The following ATP8B3 variants were observed in gnomAD, a reference collection of about 807,000 sequenced individuals.
ATP8B3 encodes the protein ATPase phospholipid transporting 8B3, also known as phospholipid-transporting ATPase IK.
ATP8B3 carries 141 observed loss-of-function variants against 140.9 expected under a neutral mutation model. The ratio of observed to expected loss-of-function variants is 1.00; its 90% CI spans 0.87 to 1.15. The LOEUF is 1.15. Ranked by LOEUF, ATP8B3 falls within the 50% of genes most tolerant of loss-of-function variation. The pLI, the probability that ATP8B3 is intolerant of heterozygous loss-of-function variation, is 0.00. For missense variants in ATP8B3, 1,874 were observed against 1,740.6 expected (o/e 1.08, Z -1.36); for synonymous variants, 765 against 714.6 (o/e 1.07, Z -1.13).
At chr19:1,785,827 T>G in intron 25 of ATP8B3, 119 bp from the exon 26 acceptor site, 1 of 1,128,890 alleles carries the variant, frequency 8.9e-7, no homozygotes, top group Non-Finnish European at 1.2e-6. Context: ...TCTTTGAGTT[T>G]AAGTGAGTTA....
intron 12 of ATP8B3, among the ~76,000 whole-genome samples, chr19:1,801,548 C>T (rs1005842571): frequency 1.6e-4 from 24 of 152,062 alleles, no homozygotes; most frequent in Admixed American, 4.6e-4. Flanking sequence ...CTCAGGAGTT[C>T]GAGACCAGCC....
chr19:1,810,532 G>A (rs939660973), intron 3 of ATP8B3, 90 bp downstream of exon 3: 170 of 1,317,624 alleles, frequency 1.3e-4, no homozygotes, highest in Middle Eastern at 1.9e-4. Flanking sequence ...CCAAAGTGCC[G>A]GGATTACAGG....
In ATP8B3 at chr19:1,799,996, C is replaced by T. The variant is rs779014211; in HGVS notation, c.1503G>A (p.Thr501=). Residue 501 remains threonine (T), a synonymous_variant, in exon 14 of 29, where the codon ACG becomes ACA. Transcript: ENST00000310127. ...YIFSDKTGTL[T]QNILTFNKCC... ...ACTTGTTGAAGGTCAAGATGTTCTG[C>T]GTGAGCGTGCCCGTCTTGTCCGAGA... 8.1e-6 allele frequency: 13 copies of T among 1,606,198 alleles called. No homozygotes were observed. Among genetic ancestry groups the T allele is most frequent in the African/African-American group, 2.7e-5 (2 of 74,804 alleles).
chr19:1,784,447 C>T (rs1023754230), intron 28 of ATP8B3, among the ~76,000 whole-genome samples: 7 of 152,058 alleles, frequency 4.6e-5, no homozygotes, highest in Non-Finnish European at 1.0e-4. Flanking sequence ...CCCGGAAGGT[C>T]GAGGCTGCAG....
Position 1,806,146 on chromosome 19 carries a change from T to C in ATP8B3, c.701A>G (p.Asp234Gly). ...ACAGACCACATCCCCCACGCACAGATCCTGCCATTTCTTCTGCTTGAAGCT... is the reference window on the plus strand; with the variant it reads ...ACAGACCACATCCCCCACGCACAGACCCTGCCATTTCTTCTGCTTGAAGCT... ...GKSFKQKKWQ[D>G]LCVGDVVCLR... is the part of the protein sequence containing the mutation. The change falls in exon 8 of 29, where the codon GAT becomes GGT. Residue 234 changes from aspartate to glycine, a missense_variant. This residue lies in a region of ATP8B3 where 1,032 missense variants were observed against 963.6 expected (regional missense o/e 1.07). Coordinates refer to ENST00000310127, the MANE Select transcript of ATP8B3 (RefSeq NM_138813.4). This position sits in a 1 kb window ranked among gnomAD's most constrained non-coding sequence, Gnocchi z 5.6. 1 of 1,598,160 alleles carries C rather than the reference T, an allele frequency of 6.3e-7. No individual in the cohort carries two copies. Among genetic ancestry groups the C allele is most frequent in the Non-Finnish European group, 8.5e-7 (1 of 1,173,184 alleles).
rs771549770 is a variant in ATP8B3, at chr19:1,805,384, C to T, written c.894G>A (p.Ala298=). 25 of 1,565,410 alleles carry T rather than the reference C, an allele frequency of 1.6e-5. No individual in the cohort carries two copies. Among genetic ancestry groups the T allele is most frequent in the African/African-American group, 8.1e-5 (6 of 73,974 alleles). The change falls in exon 10 of 29, where the codon GCG becomes GCA. Residue 298 remains alanine, a synonymous_variant. Coordinates refer to ENST00000310127, the MANE Select transcript of ATP8B3 (RefSeq NM_138813.4). The surrounding 1 kb of genome is among the most constrained non-coding windows in gnomAD (Gnocchi z 5.2). ...HKELATIKKM[A]SFQGTVTCEA... ...CTCAACGCCTCTCACCTTGAAAGGACGCCATCTTCTTTATAGTGGCCAGTT... is the reference window on the plus strand; with the variant it reads ...CTCAACGCCTCTCACCTTGAAAGGATGCCATCTTCTTTATAGTGGCCAGTT...
In ATP8B3 at chr19:1,792,070, G is replaced by A. The variant is rs760188775; in HGVS notation, c.2121C>T (p.Tyr707=). Residue 707 remains tyrosine, a synonymous_variant, in exon 19 of 29, where the codon TAC becomes TAT. Coordinates refer to ENST00000310127, the MANE Select transcript of ATP8B3 (RefSeq NM_138813.4). ...LAYREVAEDI[Y]EDWQQRHQEA... ...CCTGGTGGCGCTGCTGCCAGTCCTC[G>A]TAAATGTCCTCAGCCACCTCCCTGT... 33 of 1,566,142 alleles carry A rather than the reference G, an allele frequency of 2.1e-5. No individual in the cohort carries two copies. The highest frequency in any genetic ancestry group is 1.2e-4 in the South Asian group (10 of 85,428).
In ATP8B3 at chr19:1,802,525, C is replaced by T. The variant is rs956737005; in HGVS notation, c.1025G>A (p.Arg342His). The change falls in exon 11 of 29, where the codon CGC (arginine) becomes CAC (histidine). Residue 342 changes from arginine to histidine, a missense_variant. Physicochemically the swap from Arg to His is conservative, Grantham distance 29 (BLOSUM62 0). Around this residue, in one of 3 missense-constraint regions of ATP8B3, gnomAD observed 1,032 missense variants for 963.6 expected, o/e 1.07. Coordinates refer to ENST00000310127, the MANE Select transcript of ATP8B3 (RefSeq NM_138813.4). Reference protein sequence around the residue: ...GNLLLRGCRIRNTDTCYGLVI... With the variant: ...GNLLLRGCRIHNTDTCYGLVI... ...CAGTCCATAGCAGGTGTCTGTGTTG[C>T]GAATCCTGCAGCCTCGGAGGAGGAG... 27 of 1,592,672 alleles carry T rather than the reference C, an allele frequency of 1.7e-5. No homozygotes were observed. The highest frequency in any genetic ancestry group is 1.4e-4 in the Admixed American group (8 of 57,522).
chr19:1,785,413 G>C, intron 26 of ATP8B3, 56 bp downstream of exon 26: 1 of 1,586,656 alleles, frequency 6.3e-7, no homozygotes, highest in South Asian at 1.1e-5. Flanking sequence ...GTCCCCAGGG[G>C]AGGAGGCCTC....
In ATP8B3 at chr19:1,806,361, A is replaced by G. The variant is rs970425613; in HGVS notation, c.678-192T>C. The G allele has an allele frequency of 6.9e-7, 1 of 1,452,282 alleles. No homozygotes were observed. Among genetic ancestry groups the G allele is most frequent in the Non-Finnish European group, 9.0e-7 (1 of 1,109,258 alleles). The allele number at this position is 1,452,282 out of a possible 1,614,324, so 90.0% of individuals were successfully genotyped here. A position where few individuals can be genotyped will look rare whatever the true frequency, so the allele number is the denominator to read the frequency against. On this transcript the variant is annotated intron_variant, in intron 7 of 28. Coordinates refer to ENST00000310127, the MANE Select transcript of ATP8B3 (RefSeq NM_138813.4). The surrounding 1 kb of genome is among the most constrained non-coding windows in gnomAD (Gnocchi z 5.6). ...TCCACGCTCCCACCCAGTGACCTCC[A>G]GGGTCCTGCACCCACGTCCTCTTCA...
chr19:1,785,301 G>A lies in ATP8B3; in HGVS notation c.3394-4C>T. ...AGTACTTGATGATAAGAATGACCTG[G>A]ACAGGCAGCGGTGGGGTAAATCCGG... On this transcript the variant is annotated splice_polypyrimidine_tract_variant and splice_region_variant and intron_variant, in intron 26 of 28. Transcript: ENST00000310127. 6.3e-7 allele frequency: 1 copy of A among 1,588,276 alleles called. No individual in the cohort carries two copies. Among genetic ancestry groups the A allele is most frequent in the Non-Finnish European group, 8.6e-7 (1 of 1,166,384 alleles).
In ATP8B3 at chr19:1,796,276, G is replaced by T; in HGVS notation, c.1754-11C>A. ...GGTACAACAGCTGGTCTGGTAGGGA[G>T]GGGGGCCATTTTGGGGTCACGTGGT... is the stretch of plus-strand genomic sequence containing the variant. On this transcript the variant is annotated splice_polypyrimidine_tract_variant and intron_variant, in intron 16 of 28. Transcript: ENST00000310127. The T allele has an allele frequency of 1.3e-6, 2 of 1,598,730 alleles. No homozygotes were observed. Among genetic ancestry groups the T allele is most frequent in the East Asian group, 2.3e-5 (1 of 44,326 alleles).
Position 1,803,102 on chromosome 19 carries a change from G to A in ATP8B3, c.905-457C>T, listed in dbSNP as rs78281721. Among the ~76,000 whole-genome samples the A allele has an allele frequency of 1.5e-3, 230 of 152,250 alleles. 5 individuals are homozygous for A. The highest frequency in any genetic ancestry group is 5.3e-3 in the African/African-American group (219 of 41,548). Reference sequence around the variant, plus strand: ...GTCAAGAGGGAAGAGGAGAAGGGACGCCTGATCGATGAGCCTCCTTTTGGG... The same window carrying A: ...GTCAAGAGGGAAGAGGAGAAGGGACACCTGATCGATGAGCCTCCTTTTGGG... On this transcript the variant is annotated intron_variant, in intron 10 of 28. Coordinates refer to ENST00000310127, the MANE Select transcript of ATP8B3 (RefSeq NM_138813.4).
Position 1,802,636 on chromosome 19 carries a change from G to C in ATP8B3, c.914C>G (p.Thr305Arg), listed in dbSNP as rs554864786. The C allele has an allele frequency of 1.1e-5, 18 of 1,609,594 alleles. No individual in the cohort carries two copies. The highest frequency in any genetic ancestry group is 1.5e-5 in the Non-Finnish European group (18 of 1,178,706). The part of the protein sequence containing the change: ...KKMASFQGTV[T>R]CEAPNSRMHH... ...CATCCGACTGTTAGGCGCCTCACACGTCACTGTGCCTGTGGGTGGCCAGGT... is the reference window on the plus strand; with the variant it reads ...CATCCGACTGTTAGGCGCCTCACACCTCACTGTGCCTGTGGGTGGCCAGGT... The change falls in exon 11 of 29, where the codon ACG becomes AGG. Residue 305 changes from threonine (T) to arginine (R), a missense_variant. Around this residue, in one of 3 missense-constraint regions of ATP8B3, gnomAD observed 1,032 missense variants for 963.6 expected, o/e 1.07. Coordinates refer to ENST00000310127, the MANE Select transcript of ATP8B3 (RefSeq NM_138813.4).
chr19:1,810,250 C>T lies in ATP8B3; in HGVS notation c.310+372G>A, dbSNP rs552810233. On this transcript the variant is annotated intron_variant, in intron 3 of 28. Transcript: ENST00000310127. ...TGGGGGCCCCAGCCCGTCTCAGCCT[C>T]AGCCCTGCACTTTTTTCTTTTTTTT... is the stretch of plus-strand genomic sequence containing the variant. 4.5e-4 allele frequency among the ~76,000 whole-genome samples: 69 copies of T among 152,316 alleles called. 1 individual carries two copies. The South Asian group carries it at 0.014, about 31-fold the overall frequency.
At position 1,806,436 on chromosome 19, in the gene ATP8B3, C is replaced by G; in HGVS notation, c.677+192G>C. ...CCGAGCCCTAAGCTCTGCAAGGGTT[C>G]GCCATCAGGGCCTCGGCCTCTGTCC... On this transcript the variant is annotated intron_variant, in intron 7 of 28. Transcript: ENST00000310127. This position sits in a 1 kb window ranked among gnomAD's most constrained non-coding sequence, Gnocchi z 5.6. 1.4e-6 allele frequency: 2 copies of G among 1,448,824 alleles called. No individual in the cohort carries two copies. The highest frequency in any genetic ancestry group is 5.0e-5 in the East Asian group (2 of 40,184). 89.7% of individuals were successfully genotyped at this position (1,448,824 alleles called of 1,614,324 possible).
chr19:1,796,909 T>C (rs1453246096), intron 15 of ATP8B3, 30 bp from the exon 16 acceptor site: 4 of 1,610,578 alleles, frequency 2.5e-6, no homozygotes, highest in Admixed American at 3.3e-5. Flanking sequence ...GGGCCGGCTG[T>C]GGGTGGGCCG....
rs1568651396 is a variant in ATP8B3, at chr19:1,802,540, CGGA to C, written c.1007_1009del (p.Leu336del). ...GTCTGTGTTGCGAATCCTGCAGCCT[CGGA>C]GGAGGAGGTTGCCAATGTCCAGGGA... On this transcript the variant is annotated inframe_deletion, in exon 11 of 29. Coordinates refer to ENST00000310127, the MANE Select transcript of ATP8B3 (RefSeq NM_138813.4). The C allele has an allele frequency of 1.2e-6, 2 of 1,609,682 alleles. No homozygotes were observed. The highest frequency in any genetic ancestry group is 2.2e-5 in the East Asian group (1 of 44,652).
Position 1,789,872 on chromosome 19 carries a change from A to G in ATP8B3, c.2478+18T>C, listed in dbSNP as rs764632695. ...CCCTGGCGCCGGGACCCCGCCGTCC[A>G]CCCTGAGCGACACTGACCAGGAAGT... On this transcript the variant is annotated intron_variant, in intron 22 of 28. Coordinates refer to ENST00000310127, the MANE Select transcript of ATP8B3 (RefSeq NM_138813.4). 2 of 1,606,134 alleles carry G rather than the reference A, an allele frequency of 1.2e-6. No homozygotes were observed. Among genetic ancestry groups the G allele is most frequent in the African/African-American group, 2.7e-5 (2 of 73,986 alleles).
Sources: gnomAD v4.1 joint callset for allele counts (sites outside exome capture counted in the v4.1 genomes callset) on GRCh38, gnomAD v4.1.1 for gene constraint, gnomAD v4.1.1 regional missense constraint, Gnocchi (gnomAD v3.1) non-coding constraint, MANE v1.5 for transcripts, NCBI Gene and HGNC (gene_info 2026-07-23, HGNC 2026-07-21) for gene names.